Variants in COL6A3 observed in about 807,000 individuals in gnomAD.
COL6A3 encodes the protein collagen alpha-3(VI) chain.
Under a neutral mutation model 274.1 loss-of-function variants are expected in COL6A3, and 137 were observed. The observed-to-expected ratio is 0.50, with a 90% CI of 0.44 to 0.58. The LOEUF (loss-of-function observed/expected upper bound fraction) is 0.58. COL6A3 is among the 20% of genes least tolerant of loss of function. The pLI, the probability that COL6A3 is intolerant of heterozygous loss-of-function variation, is 0.00. For missense variants in COL6A3, 3,950 were observed against 4,124.9 expected, an observed-to-expected ratio of 0.96 and a Z score of 1.16; for synonymous variants, 1,650 against 1,650.6, an observed-to-expected ratio of 1.00 and a Z score of 0.01.
At position 237,376,890 on chromosome 2, in the gene COL6A3, C is replaced by G. The variant is rs1553561212; in HGVS notation, c.2952G>C (p.Glu984Asp). 1.2e-6 allele frequency: 2 copies of G among 1,614,246 alleles called. No individual in the cohort carries two copies. Among genetic ancestry groups the G allele is most frequent in the African/African-American group, 1.3e-5 (1 of 75,058 alleles). Residue 984 changes from glutamate to aspartate, a missense_variant, in exon 7 of 44, where the codon GAG becomes GAC. Glu to Asp is a conservative substitution (Grantham distance 45, BLOSUM62 2). This residue lies in a region of COL6A3 where 1,934 missense variants were observed against 1,984.3 expected (regional missense o/e 0.97). Transcript: ENST00000295550. ...TAAACGCTGGAGACAGCACGATCTGCTCTAACTCAGCAGGGTCTGCGTTCT... is the reference window on the plus strand; with the variant it reads ...TAAACGCTGGAGACAGCACGATCTGGTCTAACTCAGCAGGGTCTGCGTTCT... ...QAKNADPAELEQIVLSPAFIL... is the reference protein window; with the variant it reads ...QAKNADPAELDQIVLSPAFIL...
chr2:237,361,902 T>G lies in COL6A3; in HGVS notation c.6064-71A>C. On this transcript the variant is annotated intron_variant, in intron 14 of 43. Coordinates refer to ENST00000295550, the MANE Select transcript of COL6A3 (RefSeq NM_004369.4). This position sits in a 1 kb window ranked among gnomAD's most constrained non-coding sequence, Gnocchi z 5.1. The stretch of plus-strand genomic sequence containing the variant: ...CCAGCAGAAAATCATAAATGCGCTT[T>G]AAGGGTCAAAATCGGATGTGTGGGG... 5.9e-6 allele frequency: 8 copies of G among 1,345,446 alleles called. No individual in the cohort carries two copies. Among genetic ancestry groups the G allele is most frequent in the East Asian group, 2.3e-5 (1 of 43,554 alleles). The allele number at this position is 1,345,446 out of a possible 1,614,324, so 83.3% of individuals were successfully genotyped here. A position where few individuals can be genotyped will look rare whatever the true frequency, so the allele number is the denominator to read the frequency against.
rs1169917818 is a variant in COL6A3 at position 237,387,563 on chromosome 2, G to C, written c.1312+19C>G. 1.2e-6 allele frequency: 2 copies of C among 1,613,878 alleles called. No individual in the cohort carries two copies. The highest frequency in any genetic ancestry group is 1.7e-6 in the Non-Finnish European group (2 of 1,179,948). ...ACAACACCCCACTCCCACACAGATG[G>C]TGAGAAGAGGATACATACCTTGTGT... On this transcript the variant is annotated intron_variant, in intron 4 of 43. Coordinates refer to ENST00000295550, the MANE Select transcript of COL6A3 (RefSeq NM_004369.4).
At chr2:237,369,557 T>C (rs957262246) in intron 9 of COL6A3, among the ~76,000 whole-genome samples, 1 of 152,216 alleles carries the variant, frequency 6.6e-6, no homozygotes, top group African/African-American at 2.4e-5. Flanking sequence ...CTGGGATCTA[T>C]ATCTTTGTTG....
At position 237,334,891 on chromosome 2, in the gene COL6A3, T is replaced by C. The variant is rs113890026; in HGVS notation, c.8966-2A>G. On this transcript the variant is annotated splice_acceptor_variant, in intron 40 of 43. Coordinates refer to ENST00000295550, the MANE Select transcript of COL6A3 (RefSeq NM_004369.4). LOFTEE classifies it high-confidence loss of function. ...CCTGGACTTCACGGGACATCTTAACTGAAAGATAGATCAGAGCGTGAAGAT... is the reference window on the plus strand; with the variant it reads ...CCTGGACTTCACGGGACATCTTAACCGAAAGATAGATCAGAGCGTGAAGAT... 2 of 1,614,078 alleles carry C rather than the reference T, an allele frequency of 1.2e-6. No homozygotes were observed. The highest frequency in any genetic ancestry group is 1.7e-6 in the Non-Finnish European group (2 of 1,180,002).
At chr2:237,327,344 T>A (rs1297247829) in intron 42 of COL6A3, 1 of 152,502 alleles carries the variant, frequency 6.6e-6, no homozygotes, top group Non-Finnish European at 1.5e-5. Context: ...TGTGTTTAGC[T>A]GTTCAATTCC....
intron 31 of COL6A3, 143 bp from the exon 32 acceptor site, chr2:237,346,708 A>G (rs1347587251): frequency 2.7e-6 from 2 of 740,260 alleles, no homozygotes; most frequent in South Asian, 1.5e-5. Flanking sequence ...GGGAGCTAAA[A>G]TGTCTCTTAA....
intron 12 of COL6A3, among the ~76,000 whole-genome samples, chr2:237,365,338 TGTCTACACAATATATA>T (rs1331185090): frequency 1.3e-5 from 2 of 152,014 alleles, no homozygotes; most frequent in Non-Finnish European, 2.9e-5. Flanking sequence ...ATGGTGTGTG[TGTCTACACAATATATA>T]TGCATGTATA....
intron 1 of COL6A3, among the ~76,000 whole-genome samples, chr2:237,409,493 G>A (rs771451886): frequency 1.3e-5 from 2 of 152,088 alleles, no homozygotes; most frequent in Non-Finnish European, 2.9e-5. Flanking sequence ...AAGTAAACAT[G>A]AGAACACAAA....
chr2:237,354,889 T>C lies in COL6A3; in HGVS notation c.6627+10A>G. 1 of 1,613,376 alleles carries C rather than the reference T, an allele frequency of 6.2e-7. No homozygotes were observed. The highest frequency in any genetic ancestry group is 1.1e-5 in the South Asian group (1 of 90,820). ...AAGAGAGTCTCCAGGGGGCACTGCATGAGGCTCACCTTAGCTCCGGGGGGT... is the reference window on the plus strand; with the variant it reads ...AAGAGAGTCTCCAGGGGGCACTGCACGAGGCTCACCTTAGCTCCGGGGGGT... On this transcript the variant is annotated intron_variant, in intron 24 of 43. Coordinates refer to ENST00000295550, the MANE Select transcript of COL6A3 (RefSeq NM_004369.4).
At chr2:237,336,598 C>T in intron 39 of COL6A3, 66 bp from the exon 40 acceptor site, 2 of 1,542,498 alleles carry the variant, frequency 1.3e-6, no homozygotes, top group Non-Finnish European at 1.8e-6. Context: ...AAGACATAAC[C>T]CCATGAGCTA....
At chr2:237,355,669 T>C (rs1243132240) in intron 23 of COL6A3, 1 of 152,254 alleles carries the variant, frequency 6.6e-6, no homozygotes, top group South Asian at 2.1e-4. Flanking sequence ...TGTGACCGAC[T>C]AGCTCTGTTG....
chr2:237,372,548 G>A (rs566240315), intron 8 of COL6A3, among the ~76,000 whole-genome samples: 10 of 152,314 alleles, frequency 6.6e-5, no homozygotes, highest in Admixed American at 2.6e-4. Flanking sequence ...GACGGAGGCA[G>A]AATCAGAAGA....
rs777406942 is a variant in COL6A3, at chr2:237,396,713, T to C, written c.91+14A>G. 9 of 1,613,772 alleles carry C rather than the reference T, an allele frequency of 5.6e-6. No individual in the cohort carries two copies. The South Asian group carries it at 9.9e-5, about 18-fold the overall frequency. On this transcript the variant is annotated intron_variant, in intron 2 of 43. Transcript: ENST00000295550. ...ATTCCTTTTTACAAAATCAAGGACG[T>C]TTCTGGCTCTTACCTGCTTGCTGCT...
At position 237,348,507 on chromosome 2, in the gene COL6A3, A is replaced by C. The variant is rs1437716068; in HGVS notation, c.6930+106T>G. ...AACGAAAACACTCACTCAAATACAA[A>C]GACAATTTTTAAAGAAATAATTCTT... is the stretch of plus-strand genomic sequence containing the variant. On this transcript the variant is annotated intron_variant, in intron 29 of 43. Transcript: ENST00000295550. 2.2e-6 allele frequency: 3 copies of C among 1,388,574 alleles called. No homozygotes were observed. The African/African-American group carries it at 4.3e-5, about 20-fold the overall frequency. The allele number at this position is 1,388,574 out of a possible 1,614,324, so 86.0% of individuals were successfully genotyped here.
At chr2:237,354,970 A>G in intron 23 of COL6A3, 36 bp from the exon 24 acceptor site, 1 of 1,606,022 alleles carries the variant, frequency 6.2e-7, no homozygotes, top group Non-Finnish European at 8.5e-7. Flanking sequence ...TGTGAGGGGG[A>G]GCATGGGACG....
Position 237,360,076 on chromosome 2 carries a change from C to T in COL6A3, c.6282+12G>A, listed in dbSNP as rs750412409. The T allele has an allele frequency of 2.5e-6, 4 of 1,613,922 alleles. No individual in the cohort carries two copies. The highest frequency in any genetic ancestry group is 1.3e-5 in the African/African-American group (1 of 74,920). ...CCTCCCCACGCTAGCAACCCCATCA[C>T]CCACGCCTCACCTTTACTCCTCTCT... On this transcript the variant is annotated intron_variant, in intron 17 of 43. Coordinates refer to ENST00000295550, the MANE Select transcript of COL6A3 (RefSeq NM_004369.4).
chr2:237,366,872 T>C lies in COL6A3; in HGVS notation c.5315A>G (p.Lys1772Arg), dbSNP rs140929211. 5.0e-6 allele frequency: 8 copies of C among 1,614,114 alleles called. No individual in the cohort carries two copies. The African/African-American group carries it at 9.3e-5, about 19-fold the overall frequency. The change falls in exon 11 of 44, where the codon AAA (lysine) becomes AGA (arginine). Residue 1772 changes from lysine (K) to arginine (R), a missense_variant. By Grantham distance (26) the Lys-to-Arg change is conservative. Coordinates refer to ENST00000295550, the MANE Select transcript of COL6A3 (RefSeq NM_004369.4). ...VSLALTQRGV[K>R]VFAVGVRNID... is the part of the protein sequence containing the mutation. ...ATTCCTCACTCCAACAGCAAACACT[T>C]TGACCCCCCTCTGGGTGAGGGCCAG...
chr2:237,412,724 T>C (rs1455659862), intron 1 of COL6A3, among the ~76,000 whole-genome samples: 1 of 152,186 alleles, frequency 6.6e-6, no homozygotes, highest in East Asian at 1.9e-4. Flanking sequence ...AATGGGACCC[T>C]GGGGAGCTGG....
chr2:237,361,673 C>T lies in COL6A3; in HGVS notation c.6156+66G>A, dbSNP rs1277840717. The T allele has an allele frequency of 1.5e-6, 2 of 1,367,104 alleles. No homozygotes were observed. The highest frequency in any genetic ancestry group is 3.4e-5 in the Admixed American group (2 of 59,686). The allele number at this position is 1,367,104 out of a possible 1,614,324, so 84.7% of individuals were successfully genotyped here. ...ACACTCTTCTGTTAGAGAAATTACC[C>T]CACCAAAGTAATGTCGGGCTTCTGA... is the stretch of plus-strand genomic sequence containing the variant. On this transcript the variant is annotated intron_variant, in intron 15 of 43. Transcript: ENST00000295550. This position sits in a 1 kb window ranked among gnomAD's most constrained non-coding sequence, Gnocchi z 5.1.
Sources: allele counts gnomAD v4.1 joint callset (sites outside exome capture counted in the v4.1 genomes callset), GRCh38; gene constraint gnomAD v4.1.1; regional missense constraint gnomAD v4.1.1; non-coding constraint Gnocchi (gnomAD v3.1); transcripts MANE v1.5; gene names NCBI Gene and HGNC (gene_info 2026-07-23, HGNC 2026-07-21).